Variants in RSU1 observed in about 807,000 individuals in gnomAD.
RSU1 encodes Ras suppressor protein 1.
RSU1 carries 26 observed loss-of-function variants against 31.1 expected under a neutral mutation model. The ratio of observed to expected loss-of-function variants is 0.84; its 90% confidence interval spans 0.61 to 1.16. The LOEUF (loss-of-function observed/expected upper bound fraction) is 1.16. Ranked by LOEUF, RSU1 falls within the 50% of genes most tolerant of loss-of-function variation. The pLI is 0.00. For missense variants in RSU1, 320 were observed against 339.1 expected, an observed-to-expected ratio of 0.94 and a Z score of 0.44; for synonymous variants, 164 against 136.3, an observed-to-expected ratio of 1.20 and a Z score of -1.41.
intron 2 of RSU1, among the ~76,000 whole-genome samples, chr10:16,791,690 TTA>T (rs980368391): frequency 6.6e-6 from 1 of 150,998 alleles, no homozygotes; most frequent in Admixed American, 6.6e-5. Flanking sequence ...GAAAGAATCA[TTA>T]TGTCTAGATA....
At chr10:16,746,925 G>A (rs540648101) in intron 7 of RSU1, among the ~76,000 whole-genome samples, 13 of 152,230 alleles carry the variant, frequency 8.5e-5, no homozygotes, top group East Asian at 3.9e-4. Flanking sequence ...GGCAGGCTCC[G>A]GAGGATATTT....
At chr10:16,713,588 A>G (rs772966426) in intron 7 of RSU1, among the ~76,000 whole-genome samples, 139 of 152,114 alleles carry the variant, frequency 9.1e-4, no homozygotes, top group Non-Finnish European at 1.7e-3. Flanking sequence ...CGGATGATGA[A>G]TTGTTTTCCT....
At chr10:16,593,865 A>G (rs992553789) in intron 8 of RSU1, among the ~76,000 whole-genome samples, 10 of 152,236 alleles carry the variant, frequency 6.6e-5, no homozygotes, top group African/African-American at 2.4e-4. Context: ...AAAAGCGAGC[A>G]TGATGCTTGG....
chr10:16,610,706 A>G (rs147880434), intron 8 of RSU1, among the ~76,000 whole-genome samples: 1,941 of 152,296 alleles, frequency 0.013, 43 homozygotes, highest in African/African-American at 0.043. Context: ...ATACATTACA[A>G]TGTAATAATA....
chr10:16,731,766 G>C (rs1316666422), intron 7 of RSU1, among the ~76,000 whole-genome samples: 1 of 151,450 alleles, frequency 6.6e-6, no homozygotes, highest in African/African-American at 2.4e-5. Flanking sequence ...GTTTTTTATA[G>C]GCTTGGTCAT....
At chr10:16,719,054 T>TAAGGCAGGAGGATTGCTTG (rs577015275) in intron 7 of RSU1, among the ~76,000 whole-genome samples, 3 of 151,550 alleles carry the variant, frequency 2.0e-5, no homozygotes, top group Admixed American at 6.6e-5. Flanking sequence ...TTTGAGAGGC[T>TAAGGCAGGAGGATTGCTTG]AAGGCAGGAG....
At chr10:16,745,844 T>A (rs539311318) in intron 7 of RSU1, among the ~76,000 whole-genome samples, 21 of 152,270 alleles carry the variant, frequency 1.4e-4, no homozygotes, top group African/African-American at 5.1e-4. Context: ...CTGTTTACAT[T>A]TAAAAAACGT....
intron 8 of RSU1, among the ~76,000 whole-genome samples, chr10:16,620,156 CCTAT>C (rs1834044730): frequency 6.6e-6 from 1 of 152,092 alleles, no homozygotes; most frequent in African/African-American, 2.4e-5. Context: ...GGTTATTTAA[CCTAT>C]CTGAGGTTCA....
chr10:16,598,625 G>A (rs947132271), intron 8 of RSU1, among the ~76,000 whole-genome samples: 3 of 152,232 alleles, frequency 2.0e-5, no homozygotes, highest in Non-Finnish European at 4.4e-5. Context: ...AGTCTCTGAA[G>A]ATGGGGAAAG....
chr10:16,722,265 G>A (rs1293159370), intron 7 of RSU1, among the ~76,000 whole-genome samples: 1 of 152,146 alleles, frequency 6.6e-6, no homozygotes, highest in African/African-American at 2.4e-5. Context: ...ACTATCTGCA[G>A]GTTCAGGCAT....
chr10:16,694,233 C>G (rs991011519), intron 8 of RSU1, among the ~76,000 whole-genome samples: 4 of 152,164 alleles, frequency 2.6e-5, no homozygotes, highest in Non-Finnish European at 5.9e-5. Context: ...TGACTTTAAG[C>G]TGGCAGATTC....
intron 2 of RSU1, among the ~76,000 whole-genome samples, chr10:16,796,809 A>T (rs1207666699): frequency 6.6e-6 from 1 of 152,198 alleles, no homozygotes; most frequent in Non-Finnish European, 1.5e-5. Context: ...GCAAGAAAAA[A>T]TTCAAGGACA....
intron 7 of RSU1, among the ~76,000 whole-genome samples, chr10:16,733,126 T>C (rs1197856957): frequency 6.6e-5 from 10 of 152,022 alleles, no homozygotes; most frequent in Non-Finnish European, 1.5e-4. Context: ...GCAAATATTT[T>C]CACCTATATT....
chr10:16,639,556 T>C (rs1834403778), intron 8 of RSU1, among the ~76,000 whole-genome samples: 1 of 152,208 alleles, frequency 6.6e-6, no homozygotes, highest in Non-Finnish European at 1.5e-5. Flanking sequence ...GGAATAACAA[T>C]GTTTCACATA....
intron 4 of RSU1, among the ~76,000 whole-genome samples, chr10:16,757,830 C>T (rs1452526803): frequency 1.3e-5 from 2 of 152,220 alleles, no homozygotes; most frequent in East Asian, 1.9e-4. Context: ...TGTCTTTAAA[C>T]GCTGCTTTCG....
chr10:16,775,708 A>G (rs752263191), intron 3 of RSU1, among the ~76,000 whole-genome samples: 16 of 152,222 alleles, frequency 1.1e-4, no homozygotes, highest in Non-Finnish European at 1.5e-5. Context: ...CCCAACTGCC[A>G]GTGCTTTTTT....
intron 2 of RSU1, among the ~76,000 whole-genome samples, chr10:16,811,727 C>T (rs1838414213): frequency 6.6e-6 from 1 of 152,198 alleles, no homozygotes; most frequent in Admixed American, 6.5e-5. Flanking sequence ...TTCCTGATAG[C>T]TGGAAACTGC....
intron 7 of RSU1, among the ~76,000 whole-genome samples, chr10:16,744,322 T>A (rs563833842): frequency 1.3e-5 from 2 of 152,260 alleles, no homozygotes; most frequent in South Asian, 4.1e-4. Context: ...TGCATTATAG[T>A]GTAGGCACAC....
At chr10:16,809,817 G>T (rs1355901109) in intron 2 of RSU1, among the ~76,000 whole-genome samples, 1 of 149,320 alleles carries the variant, frequency 6.7e-6, no homozygotes, top group African/African-American at 2.4e-5. Context: ...TAATGGCAAA[G>T]CAGTGAGTGT....
Sources: gnomAD v4.1 joint callset for allele counts (sites outside exome capture counted in the v4.1 genomes callset) on GRCh38, gnomAD v4.1.1 for gene constraint, MANE v1.5 for transcripts, NCBI Gene and HGNC (gene_info 2026-07-23, HGNC 2026-07-21) for gene names.